The following PTPN22 variants were observed in gnomAD, a reference collection of about 807,000 sequenced individuals.
The protein encoded by PTPN22 is tyrosine-protein phosphatase non-receptor type 22.
A neutral mutation model predicts 103.3 loss-of-function variants in PTPN22; 85 were observed. The ratio of observed to expected loss-of-function variants is 0.82; its 90% CI spans 0.69 to 0.99. PTPN22 has a LOEUF of 0.99. Among genes scored for constraint, PTPN22 ranks in the 50% least tolerant of loss-of-function variants. PTPN22 has a pLI of 0.00. For synonymous variants in PTPN22, 323 were observed against 310.2 expected, an observed-to-expected ratio of 1.04 and a Z score of -0.43; for missense variants, 865 against 936.9, an observed-to-expected ratio of 0.92 and a Z score of 1.00.
chr1:113,834,471 A>C (rs1599971), intron 14 of PTPN22, 32 bp from the exon 15 acceptor site: 1 of 1,593,680 alleles, frequency 6.3e-7, no homozygotes, highest in South Asian at 1.1e-5. Context: ...TCGGTTCTTA[A>C]GAATAGTATT....
At chr1:113,859,132 TA>T in intron 2 of PTPN22, 54 bp from the exon 3 acceptor site, 1 of 1,601,432 alleles carries the variant, frequency 6.2e-7, no homozygotes, top group Non-Finnish European at 8.5e-7. Flanking sequence ...TCAGCAGATT[TA>T]AATCAGGGCC....
chr1:113,847,645 C>A (rs922812750), intron 11 of PTPN22, among the ~76,000 whole-genome samples: 5 of 150,308 alleles, frequency 3.3e-5, no homozygotes, highest in Non-Finnish European at 5.9e-5. Context: ...GTGGTGCAAT[C>A]TCAGATCACT....
intron 1 of PTPN22, among the ~76,000 whole-genome samples, chr1:113,868,441 C>A (rs554275056): frequency 3.3e-5 from 5 of 152,130 alleles, no homozygotes; most frequent in Non-Finnish European, 7.4e-5. Flanking sequence ...ATGGAAAGCC[C>A]TCTGATTTAG....
chr1:113,820,314 G>A lies in PTPN22; in HGVS notation c.2282-660C>T, dbSNP rs893714502. On this transcript the variant is annotated intron_variant, in intron 19 of 20. Coordinates refer to ENST00000359785, the Ensembl canonical transcript of PTPN22. Reference sequence around the variant, plus strand: ...ACTAAAAATACAAAAAAAAATTAGCGAGGCATGGTGTTGCAAATCTCTAAT... The same window carrying A: ...ACTAAAAATACAAAAAAAAATTAGCAAGGCATGGTGTTGCAAATCTCTAAT... Among the ~76,000 whole-genome samples the A allele has an allele frequency of 1.8e-4, 28 of 151,962 alleles. No individual in the cohort carries two copies. The East Asian group carries it at 3.1e-3, about 17-fold the overall frequency.
Position 113,838,633 on chromosome 1 carries a change from TAA to T in PTPN22, c.916-15_916-14del, listed in dbSNP as rs764784356. The T allele has an allele frequency of 6.2e-7, 1 of 1,610,130 alleles. No individual in the cohort carries two copies. Among genetic ancestry groups the T allele is most frequent in the Non-Finnish European group, 8.5e-7 (1 of 1,178,276 alleles). ...GCTTTGCTTGACTCTTTAAAAGAAATAAGTCAGAGGCTGGTTTTCAGTGAAGC... is the reference window on the plus strand; with the variant it reads ...GCTTTGCTTGACTCTTTAAAAGAAATGTCAGAGGCTGGTTTTCAGTGAAGC... On this transcript the variant is annotated splice_polypyrimidine_tract_variant and intron_variant, in intron 11 of 20. Transcript: ENST00000359785.
rs1558044907 is a variant in PTPN22 at position 113,852,009 on chromosome 1, A to G, written c.828+18T>C. On this transcript the variant is annotated intron_variant, in intron 10 of 20. Coordinates refer to ENST00000359785, the Ensembl canonical transcript of PTPN22. ...AAGACTCAGACACATGTTCTGATCC[A>G]TTCACTATAGTTCATACCTGCGTTT... The G allele has an allele frequency of 6.3e-7, 1 of 1,579,986 alleles. No individual in the cohort carries two copies. Among genetic ancestry groups the G allele is most frequent in the Middle Eastern group, 1.7e-4 (1 of 6,002 alleles).
chr1:113,835,510 T>C (rs983699883), intron 13 of PTPN22, among the ~76,000 whole-genome samples: 5 of 152,054 alleles, frequency 3.3e-5, no homozygotes, highest in African/African-American at 7.2e-5. Context: ...AGCAGGACAC[T>C]CCGTCTCAAA....
At chr1:113,850,954 T>C (rs751451553) in intron 10 of PTPN22, among the ~76,000 whole-genome samples, 6 of 152,186 alleles carry the variant, frequency 3.9e-5, no homozygotes, top group Non-Finnish European at 7.3e-5. Context: ...CAATTCTAAA[T>C]TCTATATTAA....
chr1:113,850,010 A>G (rs1217405), intron 10 of PTPN22, among the ~76,000 whole-genome samples: 84,797 of 151,580 alleles, frequency 0.56, 24,467 homozygotes, highest in South Asian at 0.65. Context: ...CCTGGCCAGC[A>G]TGGTGAAACC....
At chr1:113,816,979 G>A (rs1661207024) in intron 20 of PTPN22, among the ~76,000 whole-genome samples, 1 of 152,010 alleles carries the variant, frequency 6.6e-6, no homozygotes, top group African/African-American at 2.4e-5. Context: ...AGTAGGGAAG[G>A]GGAAAGAAGA....
intron 10 of PTPN22, 32 bp downstream of exon 10, chr1:113,851,995 A>G: frequency 6.6e-7 from 1 of 1,519,632 alleles, no homozygotes; most frequent in Non-Finnish European, 9.1e-7. Context: ...AGACTCAGAC[A>G]CATGTTCTGA....
At chr1:113,822,664 T>C (rs561028896) in intron 19 of PTPN22, among the ~76,000 whole-genome samples, 2 of 152,178 alleles carry the variant, frequency 1.3e-5, no homozygotes, top group African/African-American at 2.4e-5. Context: ...GTCACTTCCT[T>C]AAAAAGGGTT....
At chr1:113,833,905 C>T (rs1045146215) in intron 15 of PTPN22, among the ~76,000 whole-genome samples, 1 of 152,164 alleles carries the variant, frequency 6.6e-6, no homozygotes, top group Non-Finnish European at 1.5e-5. Flanking sequence ...AACAAGCTTC[C>T]TACTTAAGTA....
intron 1 of PTPN22, among the ~76,000 whole-genome samples, chr1:113,860,764 T>A (rs1288578391): frequency 6.6e-6 from 1 of 152,198 alleles, no homozygotes. Flanking sequence ...GCTGAAAAGA[T>A]CTCAAGTCCC....
intron 1 of PTPN22, among the ~76,000 whole-genome samples, chr1:113,866,254 T>C (rs1666106630): frequency 6.6e-6 from 1 of 152,188 alleles, no homozygotes; most frequent in African/African-American, 2.4e-5. Context: ...GGCTCACACC[T>C]GTAATCCCAG....
At chr1:113,814,362 A>G (rs1214286909) in exon 21 of PTPN22, 1 of 152,294 alleles carries the variant, frequency 6.6e-6, no homozygotes, top group Non-Finnish European at 1.5e-5. Context: ...AATAAATATA[A>G]TTTCTCATTT....
intron 1 of PTPN22, among the ~76,000 whole-genome samples, chr1:113,863,906 A>AATATAT (rs144077372): frequency 2.1e-5 from 2 of 95,176 alleles, no homozygotes; most frequent in East Asian, 4.6e-4. Context: ...ATATTTAATA[A>AATATAT]ATATATATAT....
intron 1 of PTPN22, chr1:113,864,415 G>T (rs1270513033): frequency 4.0e-6 from 1 of 250,856 alleles, no homozygotes; most frequent in Non-Finnish European, 7.9e-6. Flanking sequence ...AGAAAGAAAA[G>T]AAGAAAAGAA....
rs1024757739 is a variant in PTPN22, at chr1:113,826,420, G to C, written c.2251-1248C>G. On this transcript the variant is annotated intron_variant, in intron 18 of 20. Transcript: ENST00000359785. ...AAGGGGAAGGGAAGGGAAGGGAAGG[G>C]AAGGGAAGGGAAGGGAAGGGAAGGG... Among the ~76,000 whole-genome samples the C allele has an allele frequency of 2.2e-4, 33 of 150,212 alleles. No individual in the cohort carries two copies. The East Asian group carries it at 5.9e-3, about 27-fold the overall frequency.
Sources: allele counts gnomAD v4.1 joint callset (sites outside exome capture counted in the v4.1 genomes callset), GRCh38; gene constraint gnomAD v4.1.1; transcripts MANE v1.5; gene names NCBI Gene and HGNC (gene_info 2026-07-23, HGNC 2026-07-21).